The following PTPRD variants were observed in gnomAD, a reference collection of about 807,000 sequenced individuals.
PTPRD encodes the protein protein tyrosine phosphatase receptor type D.
PTPRD carries 34 observed loss-of-function variants against 214.5 expected under a neutral mutation model. That is an observed-to-expected ratio of 0.16 (90% CI 0.12 to 0.21). PTPRD has a LOEUF of 0.21. Ranked by LOEUF, PTPRD falls within the 10% of genes least tolerant of loss-of-function variation. The probability of loss-of-function intolerance (pLI) is 1.00; values close to 1 mark genes in which losing one functional copy is unlikely to be tolerated. For missense variants in PTPRD, 2,545 were observed against 2,398.7 expected, an observed-to-expected ratio of 1.06 and a Z score of -1.27; for synonymous variants, 1,128 against 845.7, an observed-to-expected ratio of 1.33 and a Z score of -5.79.
At chr9:10,503,208 C>CAAAAAA (rs1182534691) in intron 2 of PTPRD, among the ~76,000 whole-genome samples, 2 of 118,456 alleles carry the variant, frequency 1.7e-5, no homozygotes, top group African/African-American at 3.0e-5. Context: ...AAAAAAAAAA[C>CAAAAAA]AAAAAAAAAC....
intron 3 of PTPRD, among the ~76,000 whole-genome samples, chr9:10,135,230 A>G (rs1221104605): frequency 6.6e-6 from 1 of 152,178 alleles, no homozygotes; most frequent in Non-Finnish European, 1.5e-5. Context: ...AGGATTATGT[A>G]TAGAAATCAA....
At chr9:8,566,696 T>C (rs2089369239) in intron 14 of PTPRD, among the ~76,000 whole-genome samples, 1 of 152,206 alleles carries the variant, frequency 6.6e-6, no homozygotes, top group South Asian at 2.1e-4. Flanking sequence ...ACACTCATGA[T>C]TATTTGCCAA....
chr9:9,743,741 C>CACACACACAG, intron 6 of PTPRD, among the ~76,000 whole-genome samples: 1 of 148,404 alleles, frequency 6.7e-6, no homozygotes, highest in Non-Finnish European at 1.5e-5. Context: ...TACACACACA[C>CACACACACAG]ACACACACAC....
intron 12 of PTPRD, among the ~76,000 whole-genome samples, chr9:8,679,140 C>T (rs534077444): frequency 1.3e-5 from 2 of 152,234 alleles, no homozygotes; most frequent in African/African-American, 4.8e-5. Flanking sequence ...AAAAAGGATT[C>T]CATCTTTAGA....
chr9:8,486,119 T>C lies in PTPRD; in HGVS notation c.2698A>G (p.Lys900Glu). ...SYVFRLSARN[K>E]VGFGEEMVKE... ...ACCATCTCCTCCCCAAAGCCCACTT[T>C]GTTTCTGGCTGAGAGCCTGAAGACG... The change falls in exon 28 of 46, where the codon AAA becomes GAA. Residue 900 changes from lysine to glutamate, a missense_variant. Physicochemically the swap from Lys to Glu is moderately conservative, Grantham distance 56 (BLOSUM62 1). Coordinates refer to ENST00000381196, the MANE Select transcript of PTPRD (RefSeq NM_002839.4). 6.2e-7 allele frequency: 1 copy of C among 1,614,198 alleles called. No individual in the cohort carries two copies. The highest frequency in any genetic ancestry group is 8.5e-7 in the Non-Finnish European group (1 of 1,180,022).
chr9:10,449,928 T>C (rs1036944341), intron 2 of PTPRD, among the ~76,000 whole-genome samples: 1 of 151,786 alleles, frequency 6.6e-6, no homozygotes, highest in Non-Finnish European at 1.5e-5. Context: ...ATGCTGTTAA[T>C]CTATAACCTT....
chr9:10,579,286 T>C (rs960772789), intron 2 of PTPRD, among the ~76,000 whole-genome samples: 4 of 152,138 alleles, frequency 2.6e-5, no homozygotes, highest in East Asian at 3.9e-4. Context: ...CTCCCCATAG[T>C]AGTCCCCAGT....
At chr9:10,518,177 T>C (rs2757863) in intron 2 of PTPRD, among the ~76,000 whole-genome samples, 39,069 of 152,038 alleles carry the variant, frequency 0.26, 6,004 homozygotes, top group Non-Finnish European at 0.35. Flanking sequence ...TAATTCAAAT[T>C]TGATATTAAT....
intron 17 of PTPRD, among the ~76,000 whole-genome samples, chr9:8,525,817 A>G (rs2073951789): frequency 2.0e-5 from 3 of 152,152 alleles, no homozygotes; most frequent in African/African-American, 7.2e-5. Context: ...TGGTGTCACA[A>G]AACCCCAAGA....
chr9:10,446,096 C>A (rs965187968), intron 2 of PTPRD, among the ~76,000 whole-genome samples: 12 of 151,992 alleles, frequency 7.9e-5, no homozygotes, highest in Non-Finnish European at 1.2e-4. Context: ...ACATGTTCAG[C>A]CTCTAGAAAA....
At chr9:8,639,994 G>A (rs1437625446) in intron 12 of PTPRD, among the ~76,000 whole-genome samples, 1 of 152,092 alleles carries the variant, frequency 6.6e-6, no homozygotes. Flanking sequence ...GCAGTGGCAC[G>A]ATCAAAGCTA....
At chr9:8,489,365 A>C (rs2097102330) in intron 27 of PTPRD, among the ~76,000 whole-genome samples, 1 of 152,184 alleles carries the variant, frequency 6.6e-6, no homozygotes, top group Admixed American at 6.5e-5. Flanking sequence ...GCTCTGACCT[A>C]CTGGCTTCCC....
At chr9:9,328,472 G>A (rs1232680104) in intron 9 of PTPRD, among the ~76,000 whole-genome samples, 1 of 151,758 alleles carries the variant, frequency 6.6e-6, no homozygotes, top group African/African-American at 2.4e-5. Context: ...CTCAATTTCT[G>A]CTTTATGTTC....
intron 4 of PTPRD, among the ~76,000 whole-genome samples, chr9:9,968,984 GC>G (rs2094908152): frequency 6.6e-6 from 1 of 152,122 alleles, no homozygotes; most frequent in African/African-American, 2.4e-5. Flanking sequence ...TGTGATCTTG[GC>G]CTCATAGATA....
chr9:8,506,502 G>A (rs1401617736), intron 22 of PTPRD, among the ~76,000 whole-genome samples: 1 of 152,126 alleles, frequency 6.6e-6, no homozygotes, highest in Admixed American at 6.5e-5. Flanking sequence ...ACAGACTCTG[G>A]AACTCGACTG....
intron 11 of PTPRD, among the ~76,000 whole-genome samples, chr9:8,758,353 G>A (rs944322831): frequency 6.6e-6 from 1 of 152,184 alleles, no homozygotes; most frequent in African/African-American, 2.4e-5. Flanking sequence ...ATCCCTTAAG[G>A]CATCAGGGCT....
At chr9:9,549,567 C>T (rs921018871) in intron 8 of PTPRD, among the ~76,000 whole-genome samples, 1 of 152,018 alleles carries the variant, frequency 6.6e-6, no homozygotes, top group Admixed American at 6.6e-5. Flanking sequence ...TCGCTATGGT[C>T]CAGCAATTCC....
At chr9:8,582,977 C>A (rs868139001) in intron 14 of PTPRD, among the ~76,000 whole-genome samples, 1 of 152,148 alleles carries the variant, frequency 6.6e-6, no homozygotes, top group South Asian at 2.1e-4. Flanking sequence ...TTAAAAACCA[C>A]TCAGAAGCTC....
At chr9:10,379,956 C>A (rs1363879047) in intron 2 of PTPRD, among the ~76,000 whole-genome samples, 1 of 151,780 alleles carries the variant, frequency 6.6e-6, no homozygotes, top group Non-Finnish European at 1.5e-5. Flanking sequence ...TTTATATTTT[C>A]TTTTTTATCT....
Sources: gnomAD v4.1 joint callset for allele counts (sites outside exome capture counted in the v4.1 genomes callset) on GRCh38, gnomAD v4.1.1 for gene constraint, MANE v1.5 for transcripts, NCBI Gene and HGNC (gene_info 2026-07-23, HGNC 2026-07-21) for gene names.